Variants in CUL5 observed in about 807,000 individuals in gnomAD.
CUL5 encodes the protein cullin-5.
A neutral mutation model predicts 108.8 loss-of-function variants in CUL5; 26 were observed. That is an observed-to-expected ratio of 0.24 (90% confidence interval 0.18 to 0.33). The LOEUF (loss-of-function observed/expected upper bound fraction) is 0.33. Ranked by LOEUF, CUL5 falls within the 10% of genes least tolerant of loss-of-function variation. The pLI, the probability that CUL5 is intolerant of heterozygous loss-of-function variation, is 1.00. For missense variants in CUL5, 524 were observed against 909.2 expected, an observed-to-expected ratio of 0.58 and a Z score of 5.45; for synonymous variants, 334 against 298.0, an observed-to-expected ratio of 1.12 and a Z score of -1.25.
intron 1 of CUL5, among the ~76,000 whole-genome samples, chr11:108,030,156 C>G (rs770451795): frequency 1.4e-4 from 21 of 152,146 alleles, no homozygotes; most frequent in Non-Finnish European, 2.4e-4. Context: ...AGTTATTGTA[C>G]AAAGTATATG....
rs553818772 is a variant in CUL5, at chr11:108,084,383, T to G, written c.1179-4144T>G. Among the ~76,000 whole-genome samples the G allele has an allele frequency of 1.2e-4, 18 of 152,318 alleles. No individual in the cohort carries two copies. The South Asian group carries it at 3.5e-3, about 30-fold the overall frequency. ...AGCAGCTGAGAATGTAGTTTTGGCC[T>G]AGGCTAAGCAATACTGCTGGGGGGC... On this transcript the variant is annotated intron_variant, in intron 11 of 18. Transcript: ENST00000393094.
At chr11:108,091,729 AC>A (rs1864367434) in intron 13 of CUL5, among the ~76,000 whole-genome samples, 1 of 151,516 alleles carries the variant, frequency 6.6e-6, no homozygotes, top group African/African-American at 2.4e-5. Flanking sequence ...ACACACACAC[AC>A]ACGACAAATA....
intron 2 of CUL5, among the ~76,000 whole-genome samples, chr11:108,037,030 G>T (rs1862762590): frequency 6.6e-6 from 1 of 152,010 alleles, no homozygotes; most frequent in African/African-American, 2.4e-5. Context: ...CCTATTTAGA[G>T]GAGAGAGCAT....
intron 3 of CUL5, among the ~76,000 whole-genome samples, chr11:108,048,862 T>C (rs1863137704): frequency 6.6e-6 from 1 of 151,912 alleles, no homozygotes; most frequent in Admixed American, 6.6e-5. Flanking sequence ...AGATGGGGTT[T>C]CACCATGTTG....
chr11:108,042,838 C>T (rs560109217), intron 2 of CUL5, among the ~76,000 whole-genome samples: 1 of 152,104 alleles, frequency 6.6e-6, no homozygotes, highest in South Asian at 2.1e-4. Flanking sequence ...TCTTCGCTCA[C>T]TGCAACCTCC....
chr11:108,052,701 A>C lies in CUL5; in HGVS notation c.453A>C (p.Ile151=). ...GGAATGAGTCAATCTTTTCAAACAT[A>C]AAAAACAGACTCCAAGATAGTGCAA... ...DTWNESIFSN[I]KNRLQDSAMK... The change falls in exon 5 of 19, where the codon ATA becomes ATC. Residue 151 remains isoleucine, a synonymous_variant. Transcript: ENST00000393094. 1 of 1,612,678 alleles carries C rather than the reference A, an allele frequency of 6.2e-7. No individual in the cohort carries two copies. Among genetic ancestry groups the C allele is most frequent in the Non-Finnish European group, 8.5e-7 (1 of 1,179,146 alleles).
At chr11:108,040,598 T>G (rs1862873312) in intron 2 of CUL5, among the ~76,000 whole-genome samples, 2 of 108,822 alleles carry the variant, frequency 1.8e-5, no homozygotes, top group South Asian at 3.2e-4. Flanking sequence ...GCTGACAGAG[T>G]GAGACTCCGT....
At chr11:108,011,280 C>G (rs1291679272) in intron 1 of CUL5, among the ~76,000 whole-genome samples, 1 of 152,064 alleles carries the variant, frequency 6.6e-6, no homozygotes, top group African/African-American at 2.4e-5. Context: ...TAAGTACTTA[C>G]CTGTGGAAGC....
intron 11 of CUL5, among the ~76,000 whole-genome samples, chr11:108,087,986 T>C (rs1020903534): frequency 6.6e-6 from 1 of 151,864 alleles, no homozygotes; most frequent in African/African-American, 2.4e-5. Context: ...AAAAAAAATT[T>C]GTATCAGGAA....
At chr11:108,039,925 AGC>A (rs1862850654) in intron 2 of CUL5, among the ~76,000 whole-genome samples, 2 of 152,326 alleles carry the variant, frequency 1.3e-5, no homozygotes, top group Non-Finnish European at 2.9e-5. Context: ...CTTAGTTAGA[AGC>A]ATGTGATTGT....
rs1045524902 is a variant in CUL5 at position 108,105,906 on chromosome 11, G to A, written c.*1522G>A. On this transcript the variant is annotated 3_prime_UTR_variant, in exon 19 of 19. Transcript: ENST00000393094. ...CTTTCAAGAGCATTTCGTAGGATCT[G>A]TCCCCATCCGAAGAGGCTTTGTGAA... The A allele has an allele frequency of 2.0e-5, 3 of 152,124 alleles. No homozygotes were observed. Among genetic ancestry groups the A allele is most frequent in the Non-Finnish European group, 2.9e-5 (2 of 67,986 alleles). The allele number at this position is 152,124 out of a possible 1,614,324, so 9.4% of individuals were successfully genotyped here.
intron 2 of CUL5, among the ~76,000 whole-genome samples, chr11:108,043,980 G>T (rs142042507): frequency 6.6e-6 from 1 of 152,062 alleles, no homozygotes; most frequent in Admixed American, 6.6e-5. Context: ...CCAAGGTGGC[G>T]CCATTGCACT....
rs372161791 is a variant in CUL5 at position 108,095,906 on chromosome 11, GC to G, written c.1905+217del. Reference sequence around the variant, plus strand: ...AGGTCAGGAGTTCGAGACCAGCCTAGCCAACATAGTGAAACCCCATCTCTAC... The same window carrying G: ...AGGTCAGGAGTTCGAGACCAGCCTAGCAACATAGTGAAACCCCATCTCTAC... On this transcript the variant is annotated intron_variant, in intron 16 of 18. Transcript: ENST00000393094. Among the ~76,000 whole-genome samples the G allele has an allele frequency of 1.4e-4, 22 of 151,840 alleles. 1 individual carries two copies. In the East Asian group the frequency reaches 3.9e-3, roughly 27 times the overall value.
rs771406047 is a variant in CUL5 at position 108,106,593 on chromosome 11, T to C, written c.*2209T>C. The stretch of plus-strand genomic sequence containing the variant: ...AAAGTTTTAACTACTTTTTGGTGTT[T>C]ATGAAAATCATTTAGTTGACAAGGT... On this transcript the variant is annotated 3_prime_UTR_variant, in exon 19 of 19. Coordinates refer to ENST00000393094, the MANE Select transcript of CUL5 (RefSeq NM_003478.6). The C allele has an allele frequency of 1.3e-5, 2 of 151,494 alleles. No homozygotes were observed. Among genetic ancestry groups the C allele is most frequent in the East Asian group, 1.9e-4 (1 of 5,190 alleles). The allele number at this position is 151,494 out of a possible 1,614,324, so 9.4% of individuals were successfully genotyped here.
chr11:108,055,777 C>T (rs949041225), intron 7 of CUL5, among the ~76,000 whole-genome samples: 3 of 152,020 alleles, frequency 2.0e-5, no homozygotes, highest in Non-Finnish European at 2.9e-5. Flanking sequence ...ACTACAAGCG[C>T]ATGCCACCAT....
intron 8 of CUL5, among the ~76,000 whole-genome samples, chr11:108,071,939 G>T (rs1863834417): frequency 1.3e-5 from 2 of 152,056 alleles, no homozygotes; most frequent in Non-Finnish European, 2.9e-5. Flanking sequence ...CACTTTGAGA[G>T]ACCAAGGCGA....
At chr11:108,067,121 C>CT (rs1565255366) in intron 7 of CUL5, among the ~76,000 whole-genome samples, 1 of 152,204 alleles carries the variant, frequency 6.6e-6, no homozygotes, top group East Asian at 1.9e-4. Context: ...TATGTGGCTA[C>CT]TCTCAGTCTA....
intron 2 of CUL5, among the ~76,000 whole-genome samples, chr11:108,038,179 A>C (rs1289692850): frequency 6.6e-6 from 1 of 152,100 alleles, no homozygotes; most frequent in Non-Finnish European, 1.5e-5. Flanking sequence ...CAATTAAACT[A>C]TTTTATGAAT....
At position 108,035,017 on chromosome 11, in the gene CUL5, A is replaced by G. The variant is rs1255418419; in HGVS notation, c.134+1106A>G. 2.0e-5 allele frequency among the ~76,000 whole-genome samples: 3 copies of G among 152,180 alleles called. No individual in the cohort carries two copies. In the South Asian group the frequency reaches 6.2e-4, roughly 32 times the overall value. On this transcript the variant is annotated intron_variant, in intron 2 of 18. Transcript: ENST00000393094. ...TCCTTTCTGGGGACAGCTGCATTTA[A>G]TAACCAGACTGACTTACTGAGGTGT...
Sources: gnomAD v4.1 joint callset for allele counts (sites outside exome capture counted in the v4.1 genomes callset) on GRCh38, gnomAD v4.1.1 for gene constraint, MANE v1.5 for transcripts, NCBI Gene and HGNC (gene_info 2026-07-23, HGNC 2026-07-21) for gene names.